The following CLCA4 variants were observed in gnomAD, a reference collection of about 807,000 sequenced individuals.
The protein encoded by CLCA4 is chloride channel accessory 4.
A neutral mutation model predicts 78.9 loss-of-function variants in CLCA4; 69 were observed. The ratio of observed to expected loss-of-function variants is 0.87; its 90% CI spans 0.72 to 1.07. The LOEUF (loss-of-function observed/expected upper bound fraction) is 1.07, where lower values mean the gene tolerates loss of function less well. Ranked by LOEUF, CLCA4 falls within the 50% of genes least tolerant of loss-of-function variation. CLCA4 has a pLI of 0.00. For missense variants in CLCA4, 1,133 were observed against 1,095.8 expected, an observed-to-expected ratio of 1.03 and a Z score of -0.48; for synonymous variants, 362 against 375.8, an observed-to-expected ratio of 0.96 and a Z score of 0.42.
At chr1:86,555,536 T>G (rs1438284153) in intron 1 of CLCA4, among the ~76,000 whole-genome samples, 4 of 152,182 alleles carry the variant, frequency 2.6e-5, no homozygotes, top group Non-Finnish European at 5.9e-5. Context: ...TTCTGGGCTC[T>G]CTGTTGTGTT....
At position 86,579,403 on chromosome 1, in the gene CLCA4, GACC is replaced by G. The variant is rs771331616; in HGVS notation, c.2176_2178del (p.Thr726del). The G allele has an allele frequency of 6.2e-7, 1 of 1,613,258 alleles. No individual in the cohort carries two copies. Among genetic ancestry groups the G allele is most frequent in the East Asian group, 2.2e-5 (1 of 44,840 alleles). ...GACCTGAAATTGATGAGGATACTCA[GACC>G]ACCTTGGAGGATTTCAGCCGAACAG... On this transcript the variant is annotated inframe_deletion, in exon 13 of 14. Coordinates refer to ENST00000370563, the MANE Select transcript of CLCA4 (RefSeq NM_012128.4).
At position 86,574,234 on chromosome 1, in the gene CLCA4, T is replaced by A. The variant is rs147243175; in HGVS notation, c.1468-306T>A. ...CCCTCTATCTGTGTGAAAAAATTAT[T>A]TCAAATTTCCACATCAGGAAAACAT... On this transcript the variant is annotated intron_variant, in intron 9 of 13. Coordinates refer to ENST00000370563, the MANE Select transcript of CLCA4 (RefSeq NM_012128.4). 1.1e-3 allele frequency among the ~76,000 whole-genome samples: 171 copies of A among 152,182 alleles called. 1 individual carries two copies. Among genetic ancestry groups the A allele is most frequent in the East Asian group, 9.5e-3 (49 of 5,156 alleles).
intron 1 of CLCA4, among the ~76,000 whole-genome samples, chr1:86,557,124 A>G (rs1048839555): frequency 6.6e-6 from 1 of 151,944 alleles, no homozygotes; most frequent in African/African-American, 2.4e-5. Context: ...AGTGGCATAT[A>G]TAGCTTATAA....
intron 1 of CLCA4, among the ~76,000 whole-genome samples, chr1:86,558,750 G>A (rs1649926259): frequency 6.6e-6 from 1 of 152,100 alleles, no homozygotes; most frequent in East Asian, 1.9e-4. Flanking sequence ...GAACAGGATG[G>A]GGAAGACCAC....
chr1:86,559,918 T>C lies in CLCA4; in HGVS notation c.160-14T>C. 6.3e-7 allele frequency: 1 copy of C among 1,578,136 alleles called. No individual in the cohort carries two copies. The highest frequency in any genetic ancestry group is 1.4e-5 in the African/African-American group (1 of 72,660). On this transcript the variant is annotated splice_polypyrimidine_tract_variant and intron_variant, in intron 1 of 13. Transcript: ENST00000370563. ...AACTTCACCATCCTCACATATTTTT[T>C]CCTTTAATGACAGGATATGGTGACT...
chr1:86,559,983 T>A lies in CLCA4; in HGVS notation c.211T>A (p.Phe71Ile). ...CCTGTTTGAAGCCACAGAAAAAAGA[T>A]TTTTTTTCAAAAATGTATCTATATT... ...TYLFEATEKR[F>I]FFKNVSILIP... Residue 71 changes from phenylalanine (F) to isoleucine (I), a missense_variant, in exon 2 of 14, where the codon TTT becomes ATT. Phe to Ile is a conservative substitution (Grantham distance 21). Transcript: ENST00000370563. 6.2e-7 allele frequency: 1 copy of A among 1,607,408 alleles called. No individual in the cohort carries two copies. The highest frequency in any genetic ancestry group is 8.5e-7 in the Non-Finnish European group (1 of 1,176,948).
At chr1:86,562,615 G>A (rs1456444579) in intron 3 of CLCA4, among the ~76,000 whole-genome samples, 1 of 152,084 alleles carries the variant, frequency 6.6e-6, no homozygotes. Flanking sequence ...AGCACTTTGG[G>A]ACGCTGAGGC....
chr1:86,571,262 A>G lies in CLCA4; in HGVS notation c.1360+8A>G. 4.4e-6 allele frequency: 7 copies of G among 1,607,340 alleles called. No homozygotes were observed. Among genetic ancestry groups the G allele is most frequent in the South Asian group, 1.1e-5 (1 of 90,412 alleles). ...AGATGAGCAAGATAACAGGTAAAAC[A>G]CGATCCATTTATTCCAGGCCTTCAA... On this transcript the variant is annotated splice_region_variant and intron_variant, in intron 8 of 13. Transcript: ENST00000370563.
In CLCA4 at chr1:86,575,521, C is replaced by T. The variant is rs1243313908; in HGVS notation, c.1873C>T (p.Leu625Phe). 14 of 1,613,386 alleles carry T rather than the reference C, an allele frequency of 8.7e-6. No individual in the cohort carries two copies. The highest frequency in any genetic ancestry group is 1.2e-5 in the Non-Finnish European group (14 of 1,179,552). Residue 625 changes from leucine (L) to phenylalanine (F), a missense_variant, in exon 11 of 14, where the codon CTT (leucine) becomes TTT (phenylalanine). By Grantham distance (22) the Leu-to-Phe change is conservative. Transcript: ENST00000370563. ...AATTCTACAAGGATATGTACCTGTT[C>T]TTGGAGCCAATGTGACTGCTTTCAT... ...AEILQGYVPV[L>F]GANVTAFIES... is the part of the protein sequence containing the mutation.
chr1:86,579,267 G>C (rs1558202151), intron 12 of CLCA4, 87 bp from the exon 13 acceptor site: 8 of 1,011,740 alleles, frequency 7.9e-6, no homozygotes, highest in South Asian at 7.2e-5. Context: ...TTTTTAGAAG[G>C]AAAAGACAAG....
chr1:86,571,174 A>C lies in CLCA4; in HGVS notation c.1280A>C (p.Lys427Thr). ...NTASSCIDEVKQSGAIVHFIA... is the reference protein window; with the variant it reads ...NTASSCIDEVTQSGAIVHFIA... The stretch of plus-strand genomic sequence containing the variant: ...GCAAGTTCTTGTATTGATGAAGTGA[A>C]ACAAAGTGGGGCCATTGTTCATTTT... The change falls in exon 8 of 14, where the codon AAA (lysine) becomes ACA (threonine). Residue 427 changes from lysine (K) to threonine (T), a missense_variant. Coordinates refer to ENST00000370563, the MANE Select transcript of CLCA4 (RefSeq NM_012128.4). 6.2e-7 allele frequency: 1 copy of C among 1,613,106 alleles called. No homozygotes were observed.
In CLCA4 at chr1:86,578,050, C is replaced by T. The variant is rs2231601; in HGVS notation, c.2100C>T (p.Tyr700=). The T allele has an allele frequency of 7.4e-3, 11,878 of 1,612,080 alleles. 759 individuals are homozygous for T. In the African/African-American group the frequency reaches 0.14, roughly 19 times the overall value. The change falls in exon 12 of 14, where the codon TAC becomes TAT. Residue 700 remains tyrosine, a synonymous_variant. Transcript: ENST00000370563. ...KLRPPLNRAA[Y]IPGWVVNGEI... The stretch of plus-strand genomic sequence containing the variant: ...GGCCTCCACTGAATAGAGCCGCGTA[C>T]ATACCAGGCTGGGTAGTGAACGGTG...
At chr1:86,576,414 C>T (rs1339835087) in intron 11 of CLCA4, among the ~76,000 whole-genome samples, 2 of 152,002 alleles carry the variant, frequency 1.3e-5, no homozygotes, top group African/African-American at 4.8e-5. Context: ...AACTCCTAGG[C>T]TTAAGCCACC....
In CLCA4 at chr1:86,580,106, A is replaced by T; in HGVS notation, c.2521A>T (p.Ile841Leu). The change falls in exon 14 of 14, where the codon ATA (isoleucine) becomes TTA (leucine). Residue 841 changes from isoleucine (I) to leucine (L), a missense_variant. Ile to Leu is a conservative substitution (Grantham distance 5). Coordinates refer to ENST00000370563, the MANE Select transcript of CLCA4 (RefSeq NM_012128.4). ...TATCTCAGAAGAAAATGCAACCCAC[A>T]TATTTATTGCCATTAAAAGTATAGA... ...ENISEENATH[I>L]FIAIKSIDKS... 1 of 1,612,972 alleles carries T rather than the reference A, an allele frequency of 6.2e-7. No individual in the cohort carries two copies.
chr1:86,570,519 TTAG>T (rs1273498570), intron 7 of CLCA4, among the ~76,000 whole-genome samples: 2 of 152,044 alleles, frequency 1.3e-5, no homozygotes, highest in African/African-American at 4.8e-5. Context: ...CCAGTTATTA[TTAG>T]AAGTAAATGA....
chr1:86,557,892 G>C (rs114559697), intron 1 of CLCA4, among the ~76,000 whole-genome samples: 3,889 of 151,734 alleles, frequency 0.026, 63 homozygotes, highest in South Asian at 0.064. Flanking sequence ...TATATATTTA[G>C]AATAGTTAGA....
At chr1:86,550,082 A>G (rs1047910217) in intron 1 of CLCA4, among the ~76,000 whole-genome samples, 2 of 152,140 alleles carry the variant, frequency 1.3e-5, no homozygotes, top group Admixed American at 1.3e-4. Flanking sequence ...TTTCTCCACT[A>G]CTGTGTTCTG....
chr1:86,568,172 G>T (rs776394823), intron 7 of CLCA4, among the ~76,000 whole-genome samples: 1 of 151,708 alleles, frequency 6.6e-6, no homozygotes. Flanking sequence ...TACTGTATGT[G>T]CTACTTACTA....
At chr1:86,562,853 T>TAA (rs10579344) in intron 3 of CLCA4, among the ~76,000 whole-genome samples, 12 of 133,216 alleles carry the variant, frequency 9.0e-5, no homozygotes, top group African/African-American at 2.5e-4. Flanking sequence ...GACTCCATCT[T>TAA]AAAAAAAAAA....
Sources: allele counts gnomAD v4.1 joint callset (sites outside exome capture counted in the v4.1 genomes callset), GRCh38; gene constraint gnomAD v4.1.1; transcripts MANE v1.5; gene names NCBI Gene and HGNC (gene_info 2026-07-23, HGNC 2026-07-21).